Variants in MIA2 observed in about 807,000 individuals in gnomAD.
The protein encoded by MIA2 is MIA SH3 domain ER export factor 2.
Under a neutral mutation model 167.8 loss-of-function variants are expected in MIA2, and 127 were observed. That is an observed-to-expected ratio of 0.76 (90% CI 0.66 to 0.88). The LOEUF is 0.88. Among genes scored for constraint, MIA2 ranks in the 40% least tolerant of loss-of-function variants. The pLI is 0.00. For missense variants in MIA2, 1,690 were observed against 1,624.7 expected, an observed-to-expected ratio of 1.04 and a Z score of -0.69; for synonymous variants, 552 against 541.9, an observed-to-expected ratio of 1.02 and a Z score of -0.26.
intron 6 of MIA2, among the ~76,000 whole-genome samples, chr14:39,268,680 C>A (rs1261211907): frequency 1.3e-5 from 2 of 152,106 alleles, no homozygotes; most frequent in Admixed American, 6.5e-5. Flanking sequence ...TTAAGCTCTT[C>A]TTGATAGTAG....
Position 39,348,583 on chromosome 14 carries a change from G to T in MIA2, c.3838-160G>T, listed in dbSNP as rs571998123. Reference sequence around the variant, plus strand: ...TTATGATAACTAAAATGTGATAGCTGATACATTACTGTGGAAAGCTGTTTG... The same window carrying T: ...TTATGATAACTAAAATGTGATAGCTTATACATTACTGTGGAAAGCTGTTTG... On this transcript the variant is annotated intron_variant, in intron 27 of 28. Coordinates refer to ENST00000640607, the MANE Select transcript of MIA2 (RefSeq NM_001329214.4). 7.8e-4 allele frequency among the ~76,000 whole-genome samples: 119 copies of T among 152,232 alleles called. 1 individual carries two copies. Among genetic ancestry groups the T allele is most frequent in the African/African-American group, 2.8e-3 (116 of 41,556 alleles).
rs2074886578 is a variant in MIA2 at position 39,369,243 on chromosome 14, A to G, written c.2249-17642A>G. On this transcript the variant is annotated intron_variant, in intron 23 of 23. Coordinates refer to the MIA2 transcript ENST00000341502. ...GATAGGGATCTGGTTGGCAGGGTGA[A>G]GGCTGTTCAGATGCCGGAAAGAGAT... Among the ~76,000 whole-genome samples the G allele has an allele frequency of 3.3e-5, 5 of 152,132 alleles. No individual in the cohort carries two copies. In the South Asian group the frequency reaches 1.0e-3, roughly 31 times the overall value.
chr14:39,350,723 A>G (rs1346117244), downstream of MIA2: 1 of 152,668 alleles, frequency 6.6e-6, no homozygotes, highest in Non-Finnish European at 1.5e-5. Flanking sequence ...TTTTCCTTTT[A>G]CCAATAACTT....
chr14:39,361,148 A>G lies in MIA2; in HGVS notation c.2248+12171A>G, dbSNP rs1035806445. On this transcript the variant is annotated intron_variant, in intron 23 of 23. Coordinates refer to the MIA2 transcript ENST00000341502. ...AGTTCTGGCTCTTCTTTGGTTTCATATGAATTTTAGGATTGTTTTTCTATT... is the reference window on the plus strand; with the variant it reads ...AGTTCTGGCTCTTCTTTGGTTTCATGTGAATTTTAGGATTGTTTTTCTATT... 3.3e-5 allele frequency among the ~76,000 whole-genome samples: 5 copies of G among 152,122 alleles called. No individual in the cohort carries two copies. The East Asian group carries it at 7.7e-4, about 23-fold the overall frequency.
At chr14:39,334,882 C>G (rs949412674) in intron 25 of MIA2, among the ~76,000 whole-genome samples, 2 of 152,050 alleles carry the variant, frequency 1.3e-5, no homozygotes, top group African/African-American at 4.8e-5. Flanking sequence ...CTTTTTAAAC[C>G]TTATCATTGC....
intron 23 of MIA2, among the ~76,000 whole-genome samples, chr14:39,369,264 G>C (rs1380395636): frequency 2.6e-5 from 4 of 152,196 alleles, no homozygotes; most frequent in African/African-American, 9.7e-5. Flanking sequence ...ATGCCGGAAA[G>C]AGATCTAGTC....
At chr14:39,288,491 T>TTGAGACGGAG (rs2060255397) in intron 9 of MIA2, among the ~76,000 whole-genome samples, 1 of 111,650 alleles carries the variant, frequency 9.0e-6, no homozygotes, top group Non-Finnish European at 1.8e-5. Flanking sequence ...TTTTTTTTTT[T>TTGAGACGGAG]TGAGACGGAG....
At chr14:39,303,642 A>G (rs916361856) in intron 16 of MIA2, 118 bp downstream of exon 16, 17 of 615,850 alleles carry the variant, frequency 2.8e-5, no homozygotes, top group African/African-American at 5.9e-5. Context: ...TATATTTACA[A>G]ATTATCAGAA....
chr14:39,249,174 T>C (rs1004473529), intron 4 of MIA2, among the ~76,000 whole-genome samples: 2 of 152,332 alleles, frequency 1.3e-5, no homozygotes, highest in African/African-American at 4.8e-5. Flanking sequence ...AAGGTTTCAC[T>C]CTGTCACCTA....
chr14:39,317,953 C>T lies in MIA2; in HGVS notation c.3226C>T (p.Arg1076Trp), dbSNP rs548962835. The T allele has an allele frequency of 5.3e-5, 83 of 1,578,108 alleles. No homozygotes were observed. In the South Asian group the frequency reaches 8.4e-4, roughly 16 times the overall value. ...TGTTATTTTCTTCAAGTTGGCAGCT[C>T]GGAATGCTGAAAGAAACCTCAATGA... is the stretch of plus-strand genomic sequence containing the variant. ...KKAHDNWLAARNAERNLNDLR... is the reference protein window; with the variant it reads ...KKAHDNWLAAWNAERNLNDLR... Residue 1076 changes from arginine to tryptophan, a missense_variant, in exon 22 of 29, where the codon CGG (arginine) becomes TGG (tryptophan). Arg to Trp is a moderately radical substitution (Grantham distance 101). Coordinates refer to ENST00000640607, the MANE Select transcript of MIA2 (RefSeq NM_001329214.4).
intron 3 of MIA2, among the ~76,000 whole-genome samples, chr14:39,244,116 G>A (rs1001255836): frequency 1.2e-4 from 18 of 152,182 alleles, no homozygotes; most frequent in African/African-American, 1.2e-4. Flanking sequence ...GGGGTCTTAC[G>A]CCCTACAATC....
rs190974834 is a variant in MIA2, at chr14:39,363,725, A to G, written c.2248+14748A>G. On this transcript the variant is annotated intron_variant, in intron 23 of 23. Transcript: ENST00000341502. ...GGGTACATATGTATTTAGAATTGTT[A>G]TAATCTCTTGCTGAATTGATTCCTT... is the stretch of plus-strand genomic sequence containing the variant. Among the ~76,000 whole-genome samples the G allele has an allele frequency of 8.0e-4, 122 of 152,280 alleles. 1 individual carries two copies. The highest frequency in any genetic ancestry group is 3.7e-4 in the Non-Finnish European group (25 of 68,016).
intron 23 of MIA2, among the ~76,000 whole-genome samples, chr14:39,366,863 C>T (rs114934014): frequency 2.9e-3 from 438 of 152,176 alleles, no homozygotes; most frequent in African/African-American, 1.0e-2. Context: ...GTAGGCAACT[C>T]GTAGGCTCTA....
intron 23 of MIA2, among the ~76,000 whole-genome samples, chr14:39,367,091 A>C (rs2074837778): frequency 6.6e-6 from 1 of 152,158 alleles, no homozygotes; most frequent in Non-Finnish European, 1.5e-5. Context: ...TATCAATGGC[A>C]GTAGCTTTAG....
At chr14:39,378,102 CAAAT>C (rs1220790939) in intron 23 of MIA2, among the ~76,000 whole-genome samples, 2 of 152,170 alleles carry the variant, frequency 1.3e-5, no homozygotes, top group African/African-American at 4.8e-5. Flanking sequence ...AGAATTCTCA[CAAAT>C]TAGTTACCAA....
At position 39,252,783 on chromosome 14, in the gene MIA2, C is replaced by T. The variant is rs1314950421; in HGVS notation, c.1603C>T (p.His535Tyr). The T allele has an allele frequency of 6.2e-7, 1 of 1,613,324 alleles. No homozygotes were observed. The change falls in exon 5 of 29, where the codon CAC (histidine) becomes TAC (tyrosine). Residue 535 changes from histidine (H) to tyrosine (Y), a missense_variant. Physicochemically the swap from His to Tyr is moderately conservative, Grantham distance 83. Coordinates refer to ENST00000640607, the MANE Select transcript of MIA2 (RefSeq NM_001329214.4). ...VSNIELPTRI[H>Y]EEVYFEPSSS... is the part of the protein sequence containing the mutation. ...TAACATAGAGTTACCTACGAGAATT[C>T]ACGAAGAAGTATATTTTGAACCCTC...
At chr14:39,349,228 G>C (rs4393482) in intron 28 of MIA2, among the ~76,000 whole-genome samples, 12 of 152,102 alleles carry the variant, frequency 7.9e-5, no homozygotes, top group African/African-American at 2.2e-4. Context: ...AGAAAATAAT[G>C]GACTTTTTGC....
chr14:39,298,932 A>G (rs2061933892), intron 13 of MIA2, among the ~76,000 whole-genome samples: 1 of 151,700 alleles, frequency 6.6e-6, no homozygotes, highest in South Asian at 2.1e-4. Context: ...AAAAATAAAA[A>G]TAAAAAAATT....
At chr14:39,277,427 G>C (rs1403813226) in intron 7 of MIA2, among the ~76,000 whole-genome samples, 6 of 151,672 alleles carry the variant, frequency 4.0e-5, no homozygotes, top group African/African-American at 1.5e-4. Flanking sequence ...TCAGGAGGCT[G>C]AGGTGGGAGG....
Sources: gnomAD v4.1 joint callset for allele counts (sites outside exome capture counted in the v4.1 genomes callset) on GRCh38, gnomAD v4.1.1 for gene constraint, MANE v1.5 for transcripts, NCBI Gene and HGNC (gene_info 2026-07-23, HGNC 2026-07-21) for gene names.